The following DPP4 variants were observed in gnomAD, a reference collection of about 807,000 sequenced individuals.
DPP4 encodes dipeptidyl peptidase 4, also known as ADCP-2.
A neutral mutation model predicts 122.4 loss-of-function variants in DPP4; 93 were observed. The observed-to-expected ratio is 0.76, with a 90% CI of 0.64 to 0.90. DPP4 has a LOEUF of 0.90. Among genes scored for constraint, DPP4 ranks in the 40% least tolerant of loss-of-function variants. DPP4 has a pLI of 0.00. For missense variants in DPP4, 914 were observed against 907.3 expected, an observed-to-expected ratio of 1.01 and a Z score of -0.09; for synonymous variants, 321 against 302.9, an observed-to-expected ratio of 1.06 and a Z score of -0.62.
rs1683260910 is a variant in DPP4, at chr2:162,024,817, C to T, written c.1010G>A (p.Trp337Ter). ...ICDYDESSGR[W>*]NCLVARQHIE... ...ATTCAGTCTCACCACTAAGCAGTTC[C>T]ATCTTCCACTGGATTCATCATAGTC... The change falls in exon 11 of 26, where the codon TGG becomes TAG. Residue 337 changes from tryptophan to a stop codon, truncating the protein, a stop_gained. Coordinates refer to ENST00000360534, the MANE Select transcript of DPP4 (RefSeq NM_001935.4). LOFTEE classifies it high-confidence loss of function. 2 of 1,613,690 alleles carry T rather than the reference C, an allele frequency of 1.2e-6. No homozygotes were observed. The highest frequency in any genetic ancestry group is 1.7e-6 in the Non-Finnish European group (2 of 1,180,000).
intron 10 of DPP4, among the ~76,000 whole-genome samples, chr2:162,027,432 A>G (rs1683370177): frequency 6.6e-6 from 1 of 152,028 alleles, no homozygotes; most frequent in Non-Finnish European, 1.5e-5. Context: ...CATAAACCCT[A>G]GTGTGTTAAC....
At chr2:162,015,200 C>T (rs575264187) in intron 18 of DPP4, among the ~76,000 whole-genome samples, 9 of 152,224 alleles carry the variant, frequency 5.9e-5, no homozygotes, top group African/African-American at 2.2e-4. Flanking sequence ...ATTCCAGATT[C>T]AGTAGATTTA....
intron 10 of DPP4, among the ~76,000 whole-genome samples, chr2:162,027,191 A>G (rs1296803493): frequency 1.3e-5 from 2 of 152,044 alleles, no homozygotes; most frequent in African/African-American, 4.8e-5. Context: ...ACTCTACTAA[A>G]AATGCAAAAA....
chr2:162,002,606 G>T (rs1042724832), intron 23 of DPP4, among the ~76,000 whole-genome samples: 9 of 151,808 alleles, frequency 5.9e-5, no homozygotes, highest in Non-Finnish European at 1.2e-4. Flanking sequence ...ATCCTCTAAG[G>T]AATTGTCTCC....
intron 23 of DPP4, among the ~76,000 whole-genome samples, chr2:161,996,842 T>A (rs996926925): frequency 1.3e-5 from 2 of 152,164 alleles, no homozygotes; most frequent in African/African-American, 4.8e-5. Context: ...ATAAAAGGCC[T>A]CGGTACTATC....
intron 23 of DPP4, among the ~76,000 whole-genome samples, chr2:161,999,904 G>T (rs533098679): frequency 1.3e-5 from 2 of 152,264 alleles, no homozygotes; most frequent in South Asian, 2.1e-4. Context: ...TGTGAGGTAG[G>T]TCTGATTATC....
intron 10 of DPP4, among the ~76,000 whole-genome samples, chr2:162,028,057 T>TAAA (rs201617035): frequency 6.7e-5 from 9 of 133,924 alleles, no homozygotes; most frequent in Non-Finnish European, 4.9e-5. Context: ...AAGAATCATT[T>TAAA]AAAAAAAAAA....
At chr2:162,027,393 C>T (rs1355988102) in intron 10 of DPP4, among the ~76,000 whole-genome samples, 1 of 151,830 alleles carries the variant, frequency 6.6e-6, no homozygotes, top group Admixed American at 6.6e-5. Context: ...GTGGACCACA[C>T]AGAAATGGGC....
intron 2 of DPP4, among the ~76,000 whole-genome samples, chr2:162,055,193 G>A (rs929778550): frequency 6.6e-6 from 1 of 152,156 alleles, no homozygotes; most frequent in Non-Finnish European, 1.5e-5. Context: ...TTTCCTAAGT[G>A]CCAGTGAATA....
chr2:162,029,825 G>T (rs1237761529), intron 10 of DPP4, among the ~76,000 whole-genome samples: 1 of 152,044 alleles, frequency 6.6e-6, no homozygotes, highest in Non-Finnish European at 1.5e-5. Context: ...CAGAATTTTT[G>T]GCAGAGAGGA....
intron 10 of DPP4, among the ~76,000 whole-genome samples, chr2:162,030,055 G>A (rs566827112): frequency 2.6e-5 from 4 of 152,288 alleles, no homozygotes; most frequent in Admixed American, 6.5e-5. Context: ...CTGGAGATAC[G>A]ATTGCAGGAT....
At chr2:162,020,793 T>C (rs1683098189) in intron 12 of DPP4, 105 bp from the exon 13 acceptor site, 2 of 652,636 alleles carry the variant, frequency 3.1e-6, no homozygotes, top group Non-Finnish European at 5.0e-6. Context: ...CAAAAATCCA[T>C]GCTCCATTTA....
rs1683643654 is a variant in DPP4 at position 162,033,609 on chromosome 2, T to C, written c.819A>G (p.Thr273=). The C allele has an allele frequency of 6.2e-7, 1 of 1,613,162 alleles. No individual in the cohort carries two copies. Among genetic ancestry groups the C allele is most frequent in the African/African-American group, 1.3e-5 (1 of 74,792 alleles). Residue 273 remains threonine (T), a synonymous_variant, in exon 10 of 26, where the codon ACA becomes ACG. Transcript: ENST00000360534. ...CATTGGTGACTGAGCTGAGAGAGTCTGTATTTACAACAAAGAACTTTACAG... is the reference window on the plus strand; with the variant it reads ...CATTGGTGACTGAGCTGAGAGAGTCCGTATTTACAACAAAGAACTTTACAG... ...NPTVKFFVVN[T]DSLSSVTNAT...
chr2:162,050,898 C>T (rs1400188547), intron 2 of DPP4, among the ~76,000 whole-genome samples: 1 of 152,190 alleles, frequency 6.6e-6, no homozygotes, highest in African/African-American at 2.4e-5. Flanking sequence ...GGCACTGCTG[C>T]GGCAGCAGAT....
At chr2:162,003,129 G>A (rs1198672977) in intron 23 of DPP4, among the ~76,000 whole-genome samples, 1 of 152,202 alleles carries the variant, frequency 6.6e-6, no homozygotes, top group African/African-American at 2.4e-5. Flanking sequence ...GGCGTGGAAG[G>A]ATTAAACAGT....
chr2:162,028,701 C>T lies in DPP4; in HGVS notation c.888-3762G>A, dbSNP rs1032721812. Reference sequence around the variant, plus strand: ...TAATACTAAAATGACGGAGTAATTTCTGGATGTAAAATAATAAGTTCACAC... The same window carrying T: ...TAATACTAAAATGACGGAGTAATTTTTGGATGTAAAATAATAAGTTCACAC... On this transcript the variant is annotated intron_variant, in intron 10 of 25. Transcript: ENST00000360534. Among the ~76,000 whole-genome samples, 7 of 152,186 alleles carry T rather than the reference C, an allele frequency of 4.6e-5. 1 individual carries two copies. Among genetic ancestry groups the T allele is most frequent in the African/African-American group, 1.7e-4 (7 of 41,436 alleles).
At chr2:162,043,676 T>C (rs1684069575) in intron 5 of DPP4, among the ~76,000 whole-genome samples, 1 of 152,168 alleles carries the variant, frequency 6.6e-6, no homozygotes, top group African/African-American at 2.4e-5. Context: ...CATGGACAAC[T>C]GTTATTCAGG....
chr2:162,072,537 T>C (rs1344951195), intron 2 of DPP4, among the ~76,000 whole-genome samples: 1 of 152,230 alleles, frequency 6.6e-6, no homozygotes, highest in Admixed American at 6.5e-5. Context: ...GCACTGACTA[T>C]ACATTCCTCA....
In DPP4 at chr2:162,067,159, A is replaced by T. The variant is rs574715974; in HGVS notation, c.94+6240T>A. 2.0e-3 allele frequency among the ~76,000 whole-genome samples: 162 copies of T among 83,044 alleles called. 1 individual carries two copies. Among genetic ancestry groups the T allele is most frequent in the African/African-American group, 7.9e-3 (158 of 19,882 alleles). The allele number at this position is 83,044 out of a possible 152,430, so 54.5% of individuals were successfully genotyped here. A position where few individuals can be genotyped will look rare whatever the true frequency, so the allele number is the denominator to read the frequency against. ...CATACTGAAAGAGTTTTATGCCTGG[A>T]ATCAAATAATGGAAGAATATAATAG... is the stretch of plus-strand genomic sequence containing the variant. On this transcript the variant is annotated intron_variant, in intron 2 of 25. Transcript: ENST00000360534.
Sources: gnomAD v4.1 joint callset for allele counts (sites outside exome capture counted in the v4.1 genomes callset) on GRCh38, gnomAD v4.1.1 for gene constraint, MANE v1.5 for transcripts, NCBI Gene and HGNC (gene_info 2026-07-23, HGNC 2026-07-21) for gene names.